Variants in AP3S1 observed in about 807,000 individuals in gnomAD.
AP3S1 encodes the protein adaptor related protein complex 3 subunit sigma 1, also known as AP-3 complex subunit sigma-1.
AP3S1 carries 12 observed loss-of-function variants against 21.3 expected under a neutral mutation model. The ratio of observed to expected loss-of-function variants is 0.56; its 90% CI spans 0.36 to 0.91. AP3S1 has a LOEUF of 0.91. AP3S1 is among the 40% of genes least tolerant of loss of function. AP3S1 has a pLI of 0.01. For missense variants in AP3S1, 116 were observed against 225.0 expected (o/e 0.52, Z 3.10); for synonymous variants, 48 against 78.4 (o/e 0.61, Z 2.05).
At chr5:115,846,104 A>G (rs1221173121) in intron 1 of AP3S1, among the ~76,000 whole-genome samples, 2 of 152,162 alleles carry the variant, frequency 1.3e-5, no homozygotes, top group East Asian at 1.9e-4. Context: ...ATATTTTTAC[A>G]TAGCTATCAA....
intron 1 of AP3S1, among the ~76,000 whole-genome samples, chr5:115,864,435 C>A (rs961291638): frequency 2.6e-5 from 4 of 152,166 alleles, no homozygotes; most frequent in Non-Finnish European, 5.9e-5. Flanking sequence ...AGATCAGGGT[C>A]ATAAGGACCT....
chr5:115,843,920 GGA>G (rs1761857370), intron 1 of AP3S1, among the ~76,000 whole-genome samples: 1 of 152,230 alleles, frequency 6.6e-6, no homozygotes, highest in Non-Finnish European at 1.5e-5. Flanking sequence ...AGTTTTGGCA[GGA>G]GTGGCAGCTC....
Position 115,841,979 on chromosome 5 carries a change from G to A in AP3S1, c.-59G>A, listed in dbSNP as rs1159886499. 4.1e-5 allele frequency: 63 copies of A among 1,539,462 alleles called. No individual in the cohort carries two copies. Among genetic ancestry groups the A allele is most frequent in the Non-Finnish European group, 5.0e-5 (57 of 1,142,540 alleles). ...ATCGCAGGCGAGATTACGAGGCGAGGCTCGCGCGCCCGCCCCCGCCCTGGC... is the reference window on the plus strand; with the variant it reads ...ATCGCAGGCGAGATTACGAGGCGAGACTCGCGCGCCCGCCCCCGCCCTGGC... On this transcript the variant is annotated 5_prime_UTR_variant, in exon 1 of 6. Coordinates refer to ENST00000316788, the MANE Select transcript of AP3S1 (RefSeq NM_001284.4).
intron 1 of AP3S1, among the ~76,000 whole-genome samples, chr5:115,843,997 A>T (rs538338765): frequency 1.7e-4 from 26 of 152,358 alleles, no homozygotes; most frequent in African/African-American, 6.3e-4. Flanking sequence ...AGAAGATATA[A>T]AAAGAAGAAT....
intron 3 of AP3S1, among the ~76,000 whole-genome samples, chr5:115,877,330 T>G (rs538757583): frequency 1.2e-4 from 18 of 152,174 alleles, no homozygotes; most frequent in Non-Finnish European, 1.5e-4. Flanking sequence ...CAGCATTATC[T>G]TCTAATGCTA....
chr5:115,843,753 G>A (rs1272284118), intron 1 of AP3S1, among the ~76,000 whole-genome samples: 1 of 152,210 alleles, frequency 6.6e-6, no homozygotes, highest in East Asian at 1.9e-4. Flanking sequence ...TGTAATCGGT[G>A]TATACTACTC....
intron 4 of AP3S1, among the ~76,000 whole-genome samples, chr5:115,902,288 A>G (rs1751283691): frequency 6.6e-6 from 1 of 152,208 alleles, no homozygotes; most frequent in South Asian, 2.1e-4. Context: ...TCCCCAATGG[A>G]AGACATCATT....
intron 3 of AP3S1, among the ~76,000 whole-genome samples, chr5:115,877,381 G>C (rs922073616): frequency 6.6e-6 from 1 of 152,048 alleles, no homozygotes; most frequent in African/African-American, 2.4e-5. Context: ...GTCCCGGTGT[G>C]TGATGTTCCC....
intron 1 of AP3S1, among the ~76,000 whole-genome samples, chr5:115,861,860 C>CT (rs1485174401): frequency 0.14 from 15,866 of 115,830 alleles, 1,334 homozygotes; most frequent in African/African-American, 0.18. Context: ...ATTTTCTTTT[C>CT]TTTTCTTTTT....
At chr5:115,844,936 C>T (rs1157051782) in intron 1 of AP3S1, among the ~76,000 whole-genome samples, 2 of 152,184 alleles carry the variant, frequency 1.3e-5, no homozygotes, top group Non-Finnish European at 2.9e-5. Flanking sequence ...GAGTCTTGAA[C>T]ATAGAAAACT....
chr5:115,855,742 T>C (rs1433793160), intron 1 of AP3S1, among the ~76,000 whole-genome samples: 1 of 152,262 alleles, frequency 6.6e-6, no homozygotes, highest in Non-Finnish European at 1.5e-5. Context: ...TTGTATTAGA[T>C]CATAAGCTGT....
rs185810942 is a variant in AP3S1 at position 115,910,727 on chromosome 5, A to G, written c.454-2635A>G. Among the ~76,000 whole-genome samples the G allele has an allele frequency of 1.3e-4, 20 of 152,232 alleles. No homozygotes were observed. In the East Asian group the frequency reaches 2.9e-3, roughly 22 times the overall value. On this transcript the variant is annotated intron_variant, in intron 5 of 5. Coordinates refer to ENST00000316788, the MANE Select transcript of AP3S1 (RefSeq NM_001284.4). ...TTTTAGCCCTAAATTTTTATATATA[A>G]ACATTGCTAGCTGGTTTAAACATCT...
At chr5:115,855,442 T>C (rs1173454328) in intron 1 of AP3S1, among the ~76,000 whole-genome samples, 2 of 151,470 alleles carry the variant, frequency 1.3e-5, no homozygotes, top group African/African-American at 4.9e-5. Context: ...TGGGCTCAGG[T>C]GATCCTCTAA....
chr5:115,855,985 GT>G (rs1033973748), intron 1 of AP3S1, among the ~76,000 whole-genome samples: 2 of 151,818 alleles, frequency 1.3e-5, no homozygotes, highest in Non-Finnish European at 2.9e-5. Flanking sequence ...GTGGGTTTCT[GT>G]TTTTTTTAAA....
chr5:115,892,730 A>C (rs1024865461), intron 3 of AP3S1, among the ~76,000 whole-genome samples: 5 of 152,174 alleles, frequency 3.3e-5, no homozygotes, highest in Non-Finnish European at 2.9e-5. Flanking sequence ...AATAGAATGA[A>C]TAAGACCTAC....
chr5:115,913,523 A>AG lies in AP3S1; in HGVS notation c.*38dup, dbSNP rs1259561134. The AG allele has an allele frequency of 6.2e-7, 1 of 1,606,674 alleles. No homozygotes were observed. Among genetic ancestry groups the AG allele is most frequent in the Non-Finnish European group, 8.5e-7 (1 of 1,177,886 alleles). ...AAAAGGCCACTCCCAGGTAAAATCC[A>AG]GGGGGAAGAGTCATCTAAGTTTACC... is the stretch of plus-strand genomic sequence containing the variant. On this transcript the variant is annotated 3_prime_UTR_variant, in exon 6 of 6. Transcript: ENST00000316788.
At chr5:115,864,030 A>G (rs1178570887) in intron 1 of AP3S1, among the ~76,000 whole-genome samples, 4 of 152,194 alleles carry the variant, frequency 2.6e-5, no homozygotes, top group African/African-American at 9.7e-5. Flanking sequence ...ACCACAAAAG[A>G]TATTTTTTAG....
chr5:115,851,717 T>C (rs1330650591), intron 1 of AP3S1, among the ~76,000 whole-genome samples: 1 of 152,086 alleles, frequency 6.6e-6, no homozygotes, highest in Non-Finnish European at 1.5e-5. Context: ...TAGATATCAG[T>C]CTCCTGTTGT....
chr5:115,857,237 G>C (rs912272832), intron 1 of AP3S1, among the ~76,000 whole-genome samples: 2 of 152,184 alleles, frequency 1.3e-5, no homozygotes, highest in East Asian at 1.9e-4. Context: ...TGACTTTTCA[G>C]ATAAGGCCCA....
Sources: gnomAD v4.1 joint callset for allele counts (sites outside exome capture counted in the v4.1 genomes callset) on GRCh38, gnomAD v4.1.1 for gene constraint, MANE v1.5 for transcripts, NCBI Gene and HGNC (gene_info 2026-07-23, HGNC 2026-07-21) for gene names.